Variants in RND3 observed in about 807,000 individuals in gnomAD.
RND3 encodes Rho family GTPase 3.
Under a neutral mutation model 26.5 loss-of-function variants are expected in RND3, and 8 were observed. The ratio of observed to expected loss-of-function variants is 0.30; its 90% CI spans 0.18 to 0.54. The LOEUF is 0.54. RND3 is among the 20% of genes least tolerant of loss of function. RND3 has a pLI of 0.94. For missense variants in RND3, 207 were observed against 302.8 expected (o/e 0.68, Z 2.35); for synonymous variants, 113 against 113.0 (o/e 1.00, Z 0.00).
At position 150,487,474 on chromosome 2, in the gene RND3, A is replaced by AATATATAT. The variant is rs1209384148; in HGVS notation, c.-38-27_-38-20dup. 89 of 200,772 alleles carry AATATATAT rather than the reference A, an allele frequency of 4.4e-4. No homozygotes were observed. The highest frequency in any genetic ancestry group is 2.0e-3 in the African/African-American group (75 of 36,648). The allele number at this position is 200,772 out of a possible 1,614,324, so 12.4% of individuals were successfully genotyped here. A position where few individuals can be genotyped will look rare whatever the true frequency, so the allele number is the denominator to read the frequency against. On this transcript the variant is annotated intron_variant, in intron 1 of 5. Transcript: ENST00000263895. ...ATTTTCTCTTAAGAAGAAAAAAAAA[A>AATATATAT]ATATATATATATATATATATTTCTC... is the stretch of plus-strand genomic sequence containing the variant.
intron 5 of RND3, among the ~76,000 whole-genome samples, chr2:150,471,021 T>A (rs1686082070): frequency 6.6e-6 from 1 of 152,220 alleles, no homozygotes; most frequent in Admixed American, 6.5e-5. Flanking sequence ...ACCACCAACG[T>A]ACACAACAAT....
intron 1 of RND3, 21 bp from the exon 2 acceptor site, chr2:150,487,476 T>TATATATATAG: frequency 4.7e-6 from 1 of 212,074 alleles, no homozygotes; most frequent in Non-Finnish European, 7.5e-6. Flanking sequence ...AAAAAAAAAA[T>TATATATATAG]ATATATATAT....
In RND3 at chr2:150,486,595, G is replaced by A; in HGVS notation, c.238+99C>T. 1.2e-6 allele frequency: 1 copy of A among 863,776 alleles called. No individual in the cohort carries two copies. Among genetic ancestry groups the A allele is most frequent in the Non-Finnish European group, 2.0e-6 (1 of 498,130 alleles). The allele number at this position is 863,776 out of a possible 1,614,324, so 53.5% of individuals were successfully genotyped here. On this transcript the variant is annotated intron_variant, in intron 3 of 5. Transcript: ENST00000263895. This position sits in a 1 kb window ranked among gnomAD's most constrained non-coding sequence, Gnocchi z 4.5. ...GGACCGTGGGAATCCCTTGGGAGGG[G>A]CGCAGACGGCTTGTAGCGCGCGGTT...
At position 150,469,953 on chromosome 2, in the gene RND3, G is replaced by A. The variant is rs758521185; in HGVS notation, c.*34C>T. On this transcript the variant is annotated 3_prime_UTR_variant, in exon 6 of 6. Transcript: ENST00000263895. ...TTGTTTGCTGTTGTTTTTTACACTA[G>A]ATTCCTTTGTCTTCATTAAAGATAA... 5.0e-6 allele frequency: 8 copies of A among 1,606,388 alleles called. No individual in the cohort carries two copies. The East Asian group carries it at 1.8e-4, about 36-fold the overall frequency.
chr2:150,479,425 T>C (rs568401899), intron 3 of RND3, among the ~76,000 whole-genome samples: 4 of 151,996 alleles, frequency 2.6e-5, no homozygotes, highest in African/African-American at 9.7e-5. Context: ...TTTAGAGGAG[T>C]TGGAGAACTG....
At position 150,468,259 on chromosome 2, in the gene RND3, C is replaced by T. The variant is rs899455439; in HGVS notation, c.*1728G>A. 5.9e-5 allele frequency: 9 copies of T among 152,484 alleles called. No individual in the cohort carries two copies. The highest frequency in any genetic ancestry group is 4.1e-4 in the South Asian group (2 of 4,820). 9.4% of individuals were successfully genotyped at this position (152,484 alleles called of 1,614,324 possible). On this transcript the variant is annotated 3_prime_UTR_variant, in exon 6 of 6. Transcript: ENST00000263895. ...AAAAAGTATGTTTTAATAAATACTG[C>T]GGAAACATTGACCAAACAAACATAC...
chr2:150,480,690 A>G (rs1686256688), intron 3 of RND3, among the ~76,000 whole-genome samples: 1 of 152,074 alleles, frequency 6.6e-6, no homozygotes, highest in Non-Finnish European at 1.5e-5. Context: ...ATGTAGACTT[A>G]GAAAGAGCAT....
At chr2:150,485,484 TG>T (rs1414159596) in intron 3 of RND3, 2 of 152,316 alleles carry the variant, frequency 1.3e-5, no homozygotes, top group Non-Finnish European at 2.9e-5. Context: ...CAAACCTGCT[TG>T]TTGGCACTTG....
intron 3 of RND3, among the ~76,000 whole-genome samples, chr2:150,485,961 G>A (rs1314307156): frequency 1.3e-5 from 2 of 152,162 alleles, no homozygotes; most frequent in African/African-American, 2.4e-5. Flanking sequence ...TTGGAGGCAA[G>A]CCGAGTGGGG....
rs766700982 is a variant in RND3, at chr2:150,470,140, G to C, written c.582C>G (p.Thr194=). ...TATTTGTCTTATTTACACATGCCAAGGTGGCAACGTGAAAAATGTCTCTGA... is the reference window on the plus strand; with the variant it reads ...TATTTGTCTTATTTACACATGCCAACGTGGCAACGTGAAAAATGTCTCTGA... ...NSVRDIFHVA[T]LACVNKTNKN... is the part of the protein sequence containing the mutation. The change falls in exon 6 of 6, where the codon ACC becomes ACG. Residue 194 remains threonine, a synonymous_variant. Transcript: ENST00000263895. 1.5e-5 allele frequency: 24 copies of C among 1,613,868 alleles called. No individual in the cohort carries two copies. Among genetic ancestry groups the C allele is most frequent in the Non-Finnish European group, 2.5e-6 (3 of 1,179,942 alleles).
chr2:150,473,530 A>G (rs1433647805), intron 4 of RND3, among the ~76,000 whole-genome samples: 2 of 152,200 alleles, frequency 1.3e-5, no homozygotes, highest in Non-Finnish European at 2.9e-5. Context: ...TACAAGCATT[A>G]AAGACAGGAA....
Position 150,486,800 on chromosome 2 carries a change from CA to C in RND3, c.151-20del. Reference sequence around the variant, plus strand: ...CGTAATTCTGGATAGACAAAATGGGCAAAAGAGGAAGGAAAGAGGGCAAAGA... The same window carrying C: ...CGTAATTCTGGATAGACAAAATGGGCAAAGAGGAAGGAAAGAGGGCAAAGA... On this transcript the variant is annotated intron_variant, in intron 2 of 5. Coordinates refer to ENST00000263895, the MANE Select transcript of RND3 (RefSeq NM_005168.5). The surrounding 1 kb of genome is among the most constrained non-coding windows in gnomAD (Gnocchi z 4.5). 1 of 1,570,934 alleles carries C rather than the reference CA, an allele frequency of 6.4e-7. No homozygotes were observed. Among genetic ancestry groups the C allele is most frequent in the Non-Finnish European group, 8.8e-7 (1 of 1,140,526 alleles).
Position 150,469,970 on chromosome 2 carries a change from T to C in RND3, c.*17A>G, listed in dbSNP as rs1056768097. 5 of 1,611,822 alleles carry C rather than the reference T, an allele frequency of 3.1e-6. No individual in the cohort carries two copies. The African/African-American group carries it at 4.0e-5, about 13-fold the overall frequency. Reference sequence around the variant, plus strand: ...TTACACTAGATTCCTTTGTCTTCATTAAAGATAATGAAAGATTCACATCAC... The same window carrying C: ...TTACACTAGATTCCTTTGTCTTCATCAAAGATAATGAAAGATTCACATCAC... On this transcript the variant is annotated 3_prime_UTR_variant, in exon 6 of 6. Transcript: ENST00000263895.
intron 2 of RND3, 105 bp downstream of exon 2, chr2:150,487,163 T>A: frequency 1.2e-6 from 1 of 802,830 alleles, no homozygotes; most frequent in Non-Finnish European, 1.8e-6. Flanking sequence ...TTTTTTTCTT[T>A]TTTTTTTTTT....
At chr2:150,487,149 C>CTTT in intron 2 of RND3, 119 bp downstream of exon 2, 9 of 550,570 alleles carry the variant, frequency 1.6e-5, no homozygotes, top group South Asian at 3.9e-5. Context: ...CCGAGAAAGA[C>CTTT]TTTTTTTTTT....
intron 3 of RND3, chr2:150,485,181 A>ACTTT (rs1686337514): frequency 6.6e-6 from 1 of 152,302 alleles, no homozygotes; most frequent in South Asian, 2.1e-4. Context: ...GCTGAGAAAG[A>ACTTT]GCCTGACTCC....
rs1391039494 is a variant in RND3 at position 150,486,110 on chromosome 2, G to A, written c.238+584C>T. 1.3e-5 allele frequency among the ~76,000 whole-genome samples: 2 copies of A among 151,772 alleles called. No individual in the cohort carries two copies. Among genetic ancestry groups the A allele is most frequent in the Non-Finnish European group, 2.9e-5 (2 of 67,952 alleles). Reference sequence around the variant, plus strand: ...CGGGCGGCCGGCAGCGCGAAGAGGAGGTTCAGCTGCTGCCCGGCCCCTGCG... The same window carrying A: ...CGGGCGGCCGGCAGCGCGAAGAGGAAGTTCAGCTGCTGCCCGGCCCCTGCG... On this transcript the variant is annotated intron_variant, in intron 3 of 5. Coordinates refer to ENST00000263895, the MANE Select transcript of RND3 (RefSeq NM_005168.5). The surrounding 1 kb of genome is among the most constrained non-coding windows in gnomAD (Gnocchi z 4.5).
At position 150,468,378 on chromosome 2, in the gene RND3, C is replaced by T. The variant is rs1387891729; in HGVS notation, c.*1609G>A. The stretch of plus-strand genomic sequence containing the variant: ...TTTTACAATATTTAAATACAGAAAG[C>T]ACTCGCCAGCTATTTTGTAATACTG... On this transcript the variant is annotated 3_prime_UTR_variant, in exon 6 of 6. Coordinates refer to ENST00000263895, the MANE Select transcript of RND3 (RefSeq NM_005168.5). 2 of 152,580 alleles carry T rather than the reference C, an allele frequency of 1.3e-5. No individual in the cohort carries two copies. The highest frequency in any genetic ancestry group is 2.9e-5 in the Non-Finnish European group (2 of 68,038). The allele number at this position is 152,580 out of a possible 1,614,324, so 9.5% of individuals were successfully genotyped here.
At position 150,486,177 on chromosome 2, in the gene RND3, G is replaced by A. The variant is rs1686356686; in HGVS notation, c.238+517C>T. 6.6e-6 allele frequency among the ~76,000 whole-genome samples: 1 copy of A among 152,020 alleles called. No homozygotes were observed. The highest frequency in any genetic ancestry group is 1.5e-5 in the Non-Finnish European group (1 of 68,008). The stretch of plus-strand genomic sequence containing the variant: ...GGGTGTAGGCGTCACGGGCGCCGCG[G>A]CTGCCTGCGCTCAGTTTCTTTCCCT... On this transcript the variant is annotated intron_variant, in intron 3 of 5. Transcript: ENST00000263895. The surrounding 1 kb of genome is among the most constrained non-coding windows in gnomAD (Gnocchi z 4.5).
Sources: gnomAD v4.1 joint callset for allele counts (sites outside exome capture counted in the v4.1 genomes callset) on GRCh38, gnomAD v4.1.1 for gene constraint, Gnocchi (gnomAD v3.1) non-coding constraint, MANE v1.5 for transcripts, NCBI Gene and HGNC (gene_info 2026-07-23, HGNC 2026-07-21) for gene names.